Variants in DDX60L observed in about 807,000 individuals in gnomAD.
The protein encoded by DDX60L is DExD/H-box 60 like, also known as probable ATP-dependent RNA helicase DDX60-like.
A neutral mutation model predicts 211.6 loss-of-function variants in DDX60L; 191 were observed. The ratio of observed to expected loss-of-function variants is 0.90; its 90% confidence interval spans 0.80 to 1.02. The LOEUF (loss-of-function observed/expected upper bound fraction) is 1.02. DDX60L is among the 50% of genes least tolerant of loss of function. DDX60L has a pLI of 0.00. For missense variants in DDX60L, 2,007 were observed against 1,984.1 expected, an observed-to-expected ratio of 1.01 and a Z score of -0.22; for synonymous variants, 706 against 694.1, an observed-to-expected ratio of 1.02 and a Z score of -0.27.
chr4:168,384,517 T>G, intron 30 of DDX60L, 95 bp downstream of exon 30: 1 of 1,477,216 alleles, frequency 6.8e-7, no homozygotes, highest in Non-Finnish European at 9.3e-7. Flanking sequence ...AAAGTTTATT[T>G]TCTTTCTCAA....
At chr4:168,479,981 C>CAAAAAAAAAAAAAAAAA in intron 1 of DDX60L, among the ~76,000 whole-genome samples, 1 of 100,898 alleles carries the variant, frequency 9.9e-6, no homozygotes, top group Non-Finnish European at 2.0e-5. Context: ...GAGACTGACT[C>CAAAAAAAAAAAAAAAAA]AAAAAAAAAA....
chr4:168,356,980 A>G lies in DDX60L; in HGVS notation c.*1167T>C, dbSNP rs928216863. On this transcript the variant is annotated 3_prime_UTR_variant, in exon 38 of 38. Coordinates refer to ENST00000682922, the MANE Select transcript of DDX60L (RefSeq NM_001012967.3). The stretch of plus-strand genomic sequence containing the variant: ...TTTGAGAAACTTTTTTCTCCTTCAG[A>G]GTACCGTATTCATTTATCACAGCAA... 1 of 152,178 alleles carries G rather than the reference A, an allele frequency of 6.6e-6. No homozygotes were observed. The highest frequency in any genetic ancestry group is 1.5e-5 in the Non-Finnish European group (1 of 68,036). 9.4% of individuals were successfully genotyped at this position (152,178 alleles called of 1,614,324 possible). A position where few individuals can be genotyped will look rare whatever the true frequency, so the allele number is the denominator to read the frequency against.
intron 1 of DDX60L, among the ~76,000 whole-genome samples, chr4:168,473,875 T>C (rs1358862102): frequency 6.6e-6 from 1 of 152,056 alleles, no homozygotes; most frequent in Non-Finnish European, 1.5e-5. Context: ...AGCAGCAAAA[T>C]ATGGTTAGAA....
intron 17 of DDX60L, 36 bp downstream of exon 17, chr4:168,421,724 G>A (rs766735269): frequency 6.2e-7 from 1 of 1,610,044 alleles, no homozygotes; most frequent in South Asian, 1.1e-5. Context: ...GGATGTTCAG[G>A]AACAAAAGCA....
intron 27 of DDX60L, 115 bp from the exon 28 acceptor site, chr4:168,394,732 G>A (rs931338637): frequency 4.2e-6 from 4 of 949,060 alleles, no homozygotes; most frequent in Middle Eastern, 5.1e-4. Flanking sequence ...CACACAGTGA[G>A]GCTGCCCTTT....
intron 19 of DDX60L, among the ~76,000 whole-genome samples, chr4:168,418,191 C>T (rs1351276624): frequency 2.6e-5 from 4 of 152,128 alleles, no homozygotes; most frequent in Admixed American, 6.5e-5. Flanking sequence ...CCTCAGTCTC[C>T]CGAATAGCTG....
chr4:168,381,076 G>A (rs898699542), intron 30 of DDX60L, among the ~76,000 whole-genome samples: 4 of 152,140 alleles, frequency 2.6e-5, no homozygotes, highest in Non-Finnish European at 5.9e-5. Context: ...CAACCTATGC[G>A]CATATGTGTT....
chr4:168,441,289 T>A (rs376789459), intron 10 of DDX60L, 48 bp downstream of exon 10: 14 of 1,503,104 alleles, frequency 9.3e-6, no homozygotes, highest in Non-Finnish European at 1.1e-5. Context: ...CTAAAAGTTG[T>A]TCAGGACAAA....
chr4:168,452,856 A>G (rs1452532367), intron 8 of DDX60L, among the ~76,000 whole-genome samples: 5 of 152,226 alleles, frequency 3.3e-5, no homozygotes, highest in African/African-American at 9.6e-5. Flanking sequence ...CAAAGAGAAT[A>G]CAATGTCAAT....
At chr4:168,476,909 C>A (rs1759581927) in intron 1 of DDX60L, among the ~76,000 whole-genome samples, 1 of 152,058 alleles carries the variant, frequency 6.6e-6, no homozygotes, top group African/African-American at 2.4e-5. Context: ...AAGTTAGGTG[C>A]AAAGAACATT....
At chr4:168,468,947 TAAAAC>T (rs978709164) in intron 4 of DDX60L, 1 of 152,154 alleles carries the variant, frequency 6.6e-6, no homozygotes, top group Non-Finnish European at 1.5e-5. Context: ...ACAAAACTGA[TAAAAC>T]AAATTAGAGA....
intron 29 of DDX60L, among the ~76,000 whole-genome samples, chr4:168,389,421 A>G (rs1744425616): frequency 6.6e-6 from 1 of 152,252 alleles, no homozygotes; most frequent in African/African-American, 2.4e-5. Flanking sequence ...GAGCTAATAT[A>G]AAATACATAG....
intron 33 of DDX60L, among the ~76,000 whole-genome samples, chr4:168,377,558 T>C (rs1328172666): frequency 2.1e-4 from 32 of 152,162 alleles, no homozygotes; most frequent in East Asian, 1.9e-4. Flanking sequence ...GTAGTAAATA[T>C]GAAGTTTCCT....
rs1403498758 is a variant in DDX60L, at chr4:168,384,612, C to T, written c.4116G>A (p.Lys1372=). The change falls in exon 30 of 38, where the codon AAG becomes AAA. Residue 1372 remains lysine (K), a splice_region_variant and synonymous_variant. Transcript: ENST00000682922. Reference sequence around the variant, plus strand: ...CCTCAGGCAGTGTCCAGCACGGTACCTTTGCCTTGGCATCCTCTGGGTCAT... The same window carrying T: ...CCTCAGGCAGTGTCCAGCACGGTACTTTTGCCTTGGCATCCTCTGGGTCAT... ...KGDDPEDAKA[K]VLSVLKHSLL... The T allele has an allele frequency of 1.9e-6, 3 of 1,613,712 alleles. No individual in the cohort carries two copies. Among genetic ancestry groups the T allele is most frequent in the Non-Finnish European group, 2.5e-6 (3 of 1,179,934 alleles).
rs376010033 is a variant in DDX60L at position 168,395,954 on chromosome 4, C to T, written c.3657+5G>A. On this transcript the variant is annotated splice_donor_5th_base_variant and intron_variant, in intron 27 of 37. Transcript: ENST00000682922. ...ACGTATTATATTAATAATTCTCTGA[C>T]GTACTGAGTCTTTATTCCTGGTAAT... 1.8e-5 allele frequency: 29 copies of T among 1,572,984 alleles called. No homozygotes were observed. Among genetic ancestry groups the T allele is most frequent in the Middle Eastern group, 3.5e-4 (2 of 5,692 alleles).
chr4:168,405,362 T>C (rs1206766642), intron 24 of DDX60L, among the ~76,000 whole-genome samples: 8 of 152,146 alleles, frequency 5.3e-5, no homozygotes, highest in Non-Finnish European at 1.2e-4. Flanking sequence ...AAAATGCAAA[T>C]AAACATGACA....
intron 17 of DDX60L, among the ~76,000 whole-genome samples, chr4:168,420,682 TAGAC>T (rs70961519): frequency 0.11 from 14,125 of 126,972 alleles, 773 homozygotes; most frequent in African/African-American, 0.16. Context: ...GATAGATAGA[TAGAC>T]AGACAGACAG....
intron 8 of DDX60L, among the ~76,000 whole-genome samples, chr4:168,451,540 T>C (rs1314691304): frequency 2.0e-5 from 3 of 152,218 alleles, no homozygotes; most frequent in Admixed American, 6.5e-5. Flanking sequence ...TTCTATTTGT[T>C]CCTATTGCCA....
intron 29 of DDX60L, chr4:168,390,480 T>C: frequency 2.2e-6 from 3 of 1,385,696 alleles, no homozygotes; most frequent in Non-Finnish European, 2.8e-6. Context: ...AAACTCCTTT[T>C]CTCTGTAAAA....
Sources: allele counts gnomAD v4.1 joint callset (sites outside exome capture counted in the v4.1 genomes callset), GRCh38; gene constraint gnomAD v4.1.1; transcripts MANE v1.5; gene names NCBI Gene and HGNC (gene_info 2026-07-23, HGNC 2026-07-21).